SGCZ: variants seen among roughly 807,000 people sequenced by gnomAD.
SGCZ encodes sarcoglycan zeta, also known as zeta-sarcoglycan.
SGCZ carries 40 observed loss-of-function variants against 41.3 expected under a neutral mutation model. The observed-to-expected ratio is 0.97, with a 90% CI of 0.75 to 1.26. The LOEUF is 1.26. Ranked by LOEUF, SGCZ falls within the 50% of genes most tolerant of loss-of-function variation. The pLI is 0.00. For missense variants in SGCZ, 552 were observed against 369.8 expected (o/e 1.49, Z -4.04); for synonymous variants, 206 against 137.5 (o/e 1.50, Z -3.49).
chr8:14,376,201 C>T (rs1804117532), intron 2 of SGCZ, among the ~76,000 whole-genome samples: 3 of 152,086 alleles, frequency 2.0e-5, no homozygotes, highest in Non-Finnish European at 4.4e-5. Flanking sequence ...GACCCAGCTA[C>T]ACAGGAGGCT....
At chr8:14,529,682 G>A (rs569122088) in intron 2 of SGCZ, among the ~76,000 whole-genome samples, 167 of 152,162 alleles carry the variant, frequency 1.1e-3, no homozygotes, top group Admixed American at 1.9e-3. Context: ...TGTTTCATGA[G>A]ATCTGAAGGT....
chr8:15,143,554 T>G (rs1798956112), intron 1 of SGCZ, among the ~76,000 whole-genome samples: 1 of 152,218 alleles, frequency 6.6e-6, no homozygotes, highest in South Asian at 2.1e-4. Flanking sequence ...CATTTAGGTT[T>G]TATTTAAGTT....
chr8:14,540,515 T>A (rs1037938), intron 2 of SGCZ, among the ~76,000 whole-genome samples: 44,892 of 151,456 alleles, frequency 0.3, 6,813 homozygotes, highest in Middle Eastern at 0.46. Context: ...ACCCTTCCAC[T>A]GATTCCCAGA....
chr8:14,981,243 A>G (rs897006043), intron 1 of SGCZ, among the ~76,000 whole-genome samples: 1 of 152,088 alleles, frequency 6.6e-6, no homozygotes, highest in African/African-American at 2.4e-5. Context: ...TGCCCAATTA[A>G]CTCAGCTTTA....
At chr8:14,950,316 T>C (rs1800592368) in intron 1 of SGCZ, among the ~76,000 whole-genome samples, 1 of 151,828 alleles carries the variant, frequency 6.6e-6, no homozygotes, top group Non-Finnish European at 1.5e-5. Flanking sequence ...GTTTTATGTA[T>C]CTCCCTCCCT....
chr8:14,850,015 T>G (rs1257509932), intron 1 of SGCZ, among the ~76,000 whole-genome samples: 1 of 152,222 alleles, frequency 6.6e-6, no homozygotes, highest in African/African-American at 2.4e-5. Flanking sequence ...TGAATAGCCC[T>G]ATTATGGATT....
chr8:14,194,013 A>G (rs1805188406), intron 4 of SGCZ, among the ~76,000 whole-genome samples: 1 of 151,846 alleles, frequency 6.6e-6, no homozygotes, highest in African/African-American at 2.4e-5. Context: ...AGTCAGCATG[A>G]TGGGACAATA....
At chr8:14,615,427 T>C (rs746513657) in intron 1 of SGCZ, among the ~76,000 whole-genome samples, 1 of 152,222 alleles carries the variant, frequency 6.6e-6, no homozygotes, top group Non-Finnish European at 1.5e-5. Context: ...GGTGGAGCTC[T>C]CTGAACCCCT....
chr8:15,191,357 T>A (rs1187235222), intron 1 of SGCZ, among the ~76,000 whole-genome samples: 1 of 152,138 alleles, frequency 6.6e-6, no homozygotes, highest in Non-Finnish European at 1.5e-5. Context: ...ACCAGGCAGG[T>A]AAACTTGTAA....
At chr8:15,102,375 G>A (rs1307412006) in intron 1 of SGCZ, among the ~76,000 whole-genome samples, 5 of 152,052 alleles carry the variant, frequency 3.3e-5, no homozygotes, top group African/African-American at 7.2e-5. Context: ...GGTGGAAGGA[G>A]ATATAAATAG....
At chr8:14,431,373 A>G (rs1247211134) in intron 2 of SGCZ, among the ~76,000 whole-genome samples, 1 of 152,216 alleles carries the variant, frequency 6.6e-6, no homozygotes, top group East Asian at 1.9e-4. Flanking sequence ...TGGAGAACCC[A>G]GAAATAAATC....
intron 1 of SGCZ, among the ~76,000 whole-genome samples, chr8:15,206,275 G>C (rs1801059574): frequency 6.6e-6 from 1 of 152,110 alleles, no homozygotes; most frequent in Non-Finnish European, 1.5e-5. Context: ...GTGAGAATGA[G>C]ATCCATATTA....
chr8:14,723,545 C>T (rs1253859646), intron 1 of SGCZ, among the ~76,000 whole-genome samples: 1 of 152,136 alleles, frequency 6.6e-6, no homozygotes, highest in Non-Finnish European at 1.5e-5. Flanking sequence ...CATAGGTGCC[C>T]ATCCCTCAGG....
At chr8:14,983,925 C>T (rs1801750639) in intron 1 of SGCZ, among the ~76,000 whole-genome samples, 1 of 152,136 alleles carries the variant, frequency 6.6e-6, no homozygotes, top group Non-Finnish European at 1.5e-5. Context: ...GTACCACAAA[C>T]TCTTATTATC....
chr8:14,266,072 C>G (rs764860521), intron 3 of SGCZ, among the ~76,000 whole-genome samples: 3 of 152,008 alleles, frequency 2.0e-5, no homozygotes, highest in Non-Finnish European at 2.9e-5. Context: ...GAGATAATAA[C>G]AGAAAACTCC....
At position 14,976,016 on chromosome 8, in the gene SGCZ, ACACATATATATTTTTT is replaced by A. The variant is rs1441907124; in HGVS notation, c.39+261553_39+261568del. 2.7e-5 allele frequency among the ~76,000 whole-genome samples: 4 copies of A among 145,686 alleles called. 1 individual carries two copies. The South Asian group carries it at 6.4e-4, about 23-fold the overall frequency. The stretch of plus-strand genomic sequence containing the variant: ...TATATATATACATATATATATATAT[ACACATATATATTTTTT>A]TTTTTTCTGAGATGGAGCCTCAATC... On this transcript the variant is annotated intron_variant, in intron 1 of 7. Coordinates refer to ENST00000382080, the MANE Select transcript of SGCZ (RefSeq NM_139167.4).
At chr8:15,222,024 C>T (rs1196056770) in intron 1 of SGCZ, among the ~76,000 whole-genome samples, 3 of 152,098 alleles carry the variant, frequency 2.0e-5, no homozygotes, top group African/African-American at 7.2e-5. Context: ...AAATTATTTC[C>T]TCTTATTCAC....
At chr8:14,720,764 A>T (rs1303118862) in intron 1 of SGCZ, among the ~76,000 whole-genome samples, 1 of 152,148 alleles carries the variant, frequency 6.6e-6, no homozygotes, top group Non-Finnish European at 1.5e-5. Flanking sequence ...ATATTTACTA[A>T]CCAGCCATTT....
At chr8:14,387,361 T>G (rs1804611483) in intron 2 of SGCZ, among the ~76,000 whole-genome samples, 1 of 152,188 alleles carries the variant, frequency 6.6e-6, no homozygotes, top group Non-Finnish European at 1.5e-5. Context: ...CACATGTATG[T>G]TTCTGAACAA....
Sources: gnomAD v4.1 joint callset for allele counts (sites outside exome capture counted in the v4.1 genomes callset) on GRCh38, gnomAD v4.1.1 for gene constraint, MANE v1.5 for transcripts, NCBI Gene and HGNC (gene_info 2026-07-23, HGNC 2026-07-21) for gene names.